LRRC49: variants seen among roughly 807,000 people sequenced by gnomAD.
The protein encoded by LRRC49 is leucine-rich repeat-containing protein 49.
In LRRC49, 50 loss-of-function variants were observed where a neutral mutation model predicts 83.3. That is an observed-to-expected ratio of 0.60 (90% CI 0.48 to 0.76). LRRC49 has a LOEUF of 0.76. Ranked by LOEUF, LRRC49 falls within the 30% of genes least tolerant of loss-of-function variation. The pLI is 0.00. For synonymous variants in LRRC49, 286 were observed against 283.3 expected, an observed-to-expected ratio of 1.01 and a Z score of -0.10; for missense variants, 704 against 809.1, an observed-to-expected ratio of 0.87 and a Z score of 1.58.
chr15:71,016,525 C>G lies in LRRC49; in HGVS notation c.1703+3612C>G, dbSNP rs568033437. ...AAAAAGAAGTTCATAAAGATAATAG[C>G]AGCTTCTAAAGAAATAAGAATTTGA... On this transcript the variant is annotated intron_variant, in intron 14 of 15. Coordinates refer to ENST00000260382, the MANE Select transcript of LRRC49 (RefSeq NM_017691.5). Among the ~76,000 whole-genome samples the G allele has an allele frequency of 9.2e-5, 14 of 151,824 alleles. No homozygotes were observed. In the South Asian group the frequency reaches 2.9e-3, roughly 32 times the overall value.
At chr15:70,916,169 C>T (rs1034621653) in intron 6 of LRRC49, among the ~76,000 whole-genome samples, 17 of 152,258 alleles carry the variant, frequency 1.1e-4, no homozygotes, top group African/African-American at 4.1e-4. Context: ...TACACTTGCT[C>T]TATTATAATA....
At chr15:70,965,735 G>A (rs2036771823) in intron 9 of LRRC49, among the ~76,000 whole-genome samples, 1 of 152,050 alleles carries the variant, frequency 6.6e-6, no homozygotes, top group Non-Finnish European at 1.5e-5. Flanking sequence ...ACTTTAGGAT[G>A]ATTTCTGCCA....
In LRRC49 at chr15:70,963,881, T is replaced by C. The variant is rs147395588; in HGVS notation, c.870T>C (p.Thr290=). The change falls in exon 9 of 16, where the codon ACT becomes ACC. Residue 290 remains threonine (T), a synonymous_variant. Coordinates refer to ENST00000260382, the MANE Select transcript of LRRC49 (RefSeq NM_017691.5). ...PIAQESWYKH[T]VLQNMMQLRQ... ...CTCAAGAGTCATGGTACAAACACAC[T>C]GTCCTTCAGAATATGATGCAGCTGC... 20 of 1,613,492 alleles carry C rather than the reference T, an allele frequency of 1.2e-5. No homozygotes were observed. The highest frequency in any genetic ancestry group is 4.4e-5 in the South Asian group (4 of 91,034).
intron 1 of LRRC49, among the ~76,000 whole-genome samples, chr15:70,866,092 C>T (rs1342783200): frequency 6.6e-6 from 1 of 151,224 alleles, no homozygotes; most frequent in African/African-American, 2.4e-5. Flanking sequence ...CATTGTATCC[C>T]CATAGTTCTG....
In LRRC49 at chr15:70,859,376, G is replaced by A. The variant is rs1332240654; in HGVS notation, c.-299+5907G>A. 8 of 765,914 alleles carry A rather than the reference G, an allele frequency of 1.0e-5. No homozygotes were observed. The African/African-American group carries it at 1.2e-4, about 11-fold the overall frequency. 47.4% of individuals were successfully genotyped at this position (765,914 alleles called of 1,614,324 possible). ...CCTGGAAGGGCTGACTGACGAGATG[G>A]ACTTCCTCAGGCAGCTGTTTGAAGA... On this transcript the variant is annotated intron_variant, in intron 1 of 16. Transcript: ENST00000544974.
chr15:70,877,017 T>G (rs1483416296), intron 2 of LRRC49, among the ~76,000 whole-genome samples: 1 of 152,172 alleles, frequency 6.6e-6, no homozygotes, highest in Non-Finnish European at 1.5e-5. Flanking sequence ...TCACTCATCC[T>G]TTGCTTTTTA....
intron 8 of LRRC49, among the ~76,000 whole-genome samples, chr15:70,956,506 A>G (rs2036407119): frequency 6.6e-6 from 1 of 151,742 alleles, no homozygotes; most frequent in African/African-American, 2.4e-5. Context: ...TCTGCCAAAA[A>G]AAAAAAAAAA....
At chr15:70,904,052 A>G (rs1001828693) in intron 4 of LRRC49, among the ~76,000 whole-genome samples, 1 of 152,140 alleles carries the variant, frequency 6.6e-6, no homozygotes, top group Non-Finnish European at 1.5e-5. Context: ...AGTGAACTCT[A>G]GATGACTGAA....
Position 70,893,595 on chromosome 15 carries a change from G to T in LRRC49, c.60G>T (p.Gly20=), listed in dbSNP as rs780453535. 2.5e-6 allele frequency: 4 copies of T among 1,609,520 alleles called. No homozygotes were observed. Among genetic ancestry groups the T allele is most frequent in the Non-Finnish European group, 3.4e-6 (4 of 1,177,270 alleles). The change falls in exon 2 of 16, where the codon GGG becomes GGT. Residue 20 remains glycine (G), a synonymous_variant. Coordinates refer to ENST00000260382, the MANE Select transcript of LRRC49 (RefSeq NM_017691.5). ...SGRAANNVNC[G]LHLVIQTSSL... ...TTTTTACATTTCAGGTGAACTGCGG[G>T]CTTCATCTGGTTATTCAAACATCAT...
chr15:70,912,395 T>C (rs1168247367), intron 6 of LRRC49, among the ~76,000 whole-genome samples: 1 of 152,186 alleles, frequency 6.6e-6, no homozygotes, highest in Non-Finnish European at 1.5e-5. Flanking sequence ...TCATAGGCTA[T>C]TTAAATGTTT....
chr15:70,960,372 G>A (rs758551729), intron 8 of LRRC49, among the ~76,000 whole-genome samples: 7 of 152,180 alleles, frequency 4.6e-5, no homozygotes, highest in South Asian at 2.1e-4. Flanking sequence ...AAGTCCAGTC[G>A]TTGAGCCCAA....
At chr15:70,992,340 G>A (rs550916023) in intron 11 of LRRC49, among the ~76,000 whole-genome samples, 13 of 152,302 alleles carry the variant, frequency 8.5e-5, no homozygotes, top group East Asian at 3.9e-4. Context: ...GCTTTGTTCC[G>A]TTGCTGGCGA....
intron 7 of LRRC49, among the ~76,000 whole-genome samples, chr15:70,922,699 T>C (rs1003675236): frequency 2.0e-5 from 3 of 152,184 alleles, no homozygotes; most frequent in South Asian, 2.1e-4. Flanking sequence ...AAAAGATAAA[T>C]GCTTGAGGGG....
At chr15:71,002,045 G>C (rs2038277837) in intron 11 of LRRC49, among the ~76,000 whole-genome samples, 1 of 151,870 alleles carries the variant, frequency 6.6e-6, no homozygotes, top group African/African-American at 2.4e-5. Context: ...AAACATTAGA[G>C]GTTATATTTC....
At chr15:70,973,383 T>C (rs983136301) in intron 9 of LRRC49, among the ~76,000 whole-genome samples, 117 of 152,178 alleles carry the variant, frequency 7.7e-4, no homozygotes, top group Non-Finnish European at 2.6e-4. Flanking sequence ...ACCCGCCAGA[T>C]GCCAGTTGGA....
intron 2 of LRRC49, among the ~76,000 whole-genome samples, chr15:70,881,060 C>T (rs1395882950): frequency 2.0e-5 from 3 of 152,038 alleles, no homozygotes; most frequent in African/African-American, 7.2e-5. Flanking sequence ...CCCATCTTTA[C>T]AAAAAATTTA....
chr15:71,006,347 G>A (rs1166682282), intron 11 of LRRC49, among the ~76,000 whole-genome samples: 1 of 152,130 alleles, frequency 6.6e-6, no homozygotes, highest in Non-Finnish European at 1.5e-5. Flanking sequence ...AATATATGAT[G>A]TGGAGCAACA....
intron 14 of LRRC49, among the ~76,000 whole-genome samples, chr15:71,015,293 C>CT (rs1422042770): frequency 2.0e-5 from 3 of 152,110 alleles, no homozygotes; most frequent in Admixed American, 2.0e-4. Context: ...AGTCCTCAAC[C>CT]TTTTTGGCAC....
upstream of LRRC49, among the ~76,000 whole-genome samples, chr15:70,889,105 T>G (rs1263627528): frequency 6.6e-6 from 1 of 152,220 alleles, no homozygotes; most frequent in African/African-American, 2.4e-5. Context: ...CTCAGAAATG[T>G]GTGCACACGT....
Sources: allele counts gnomAD v4.1 joint callset (sites outside exome capture counted in the v4.1 genomes callset), GRCh38; gene constraint gnomAD v4.1.1; transcripts MANE v1.5; gene names NCBI Gene and HGNC (gene_info 2026-07-23, HGNC 2026-07-21).